The following TMEFF1 variants were observed in gnomAD, a reference collection of about 807,000 sequenced individuals.
TMEFF1 encodes the protein tomoregulin-1.
A neutral mutation model predicts 47.5 loss-of-function variants in TMEFF1; 20 were observed. The observed-to-expected ratio is 0.42, with a 90% CI of 0.30 to 0.61. The LOEUF is 0.61. Among genes scored for constraint, TMEFF1 ranks in the 20% least tolerant of loss-of-function variants. The pLI is 0.19. For synonymous variants in TMEFF1, 162 were observed against 166.3 expected (o/e 0.97, Z 0.20); for missense variants, 411 against 471.1 (o/e 0.87, Z 1.18).
intron 1 of TMEFF1, among the ~76,000 whole-genome samples, chr9:100,480,115 G>A (rs966501214): frequency 6.6e-6 from 1 of 151,782 alleles, no homozygotes; most frequent in Non-Finnish European, 1.5e-5. Context: ...TTTTCCTAAT[G>A]GCTATTGATA....
At chr9:100,526,623 T>C (rs1838256424) in intron 5 of TMEFF1, among the ~76,000 whole-genome samples, 1 of 152,130 alleles carries the variant, frequency 6.6e-6, no homozygotes, top group Admixed American at 6.5e-5. Context: ...TATACGTTAT[T>C]AGTTGGTATT....
intron 5 of TMEFF1, among the ~76,000 whole-genome samples, chr9:100,546,798 T>G (rs1390043185): frequency 6.6e-6 from 1 of 152,198 alleles, no homozygotes; most frequent in Non-Finnish European, 1.5e-5. Context: ...TCTCTGTATT[T>G]TTATTTTTGT....
At chr9:100,498,731 A>T in intron 1 of TMEFF1, 34 bp from the exon 2 acceptor site, 1 of 1,608,174 alleles carries the variant, frequency 6.2e-7, no homozygotes, top group Non-Finnish European at 8.5e-7. Flanking sequence ...TAAAAAGCCA[A>T]ATATATATGT....
intron 8 of TMEFF1, among the ~76,000 whole-genome samples, 191 bp from the exon 9 acceptor site, chr9:100,572,327 C>T (rs2800281): frequency 1.3e-5 from 2 of 151,892 alleles, no homozygotes; most frequent in African/African-American, 4.8e-5. Context: ...AGGTGAAAGA[C>T]GCACCATGTA....
chr9:100,482,450 G>A (rs1259459709), intron 1 of TMEFF1, among the ~76,000 whole-genome samples: 7 of 151,960 alleles, frequency 4.6e-5, no homozygotes, highest in Non-Finnish European at 7.4e-5. Flanking sequence ...TGCCCGCCTC[G>A]GCCTCCCAAA....
intron 2 of TMEFF1, among the ~76,000 whole-genome samples, chr9:100,499,195 C>T (rs1837713022): frequency 6.6e-6 from 1 of 152,120 alleles, no homozygotes; most frequent in Non-Finnish European, 1.5e-5. Flanking sequence ...TAAATGTTGG[C>T]ATCTTTTTCC....
intron 2 of TMEFF1, among the ~76,000 whole-genome samples, chr9:100,505,870 G>A (rs1295556981): frequency 6.6e-6 from 1 of 152,208 alleles, no homozygotes; most frequent in East Asian, 1.9e-4. Context: ...ATATCTTGGA[G>A]CTCATAGTAG....
intron 7 of TMEFF1, among the ~76,000 whole-genome samples, chr9:100,554,174 G>C (rs1489863610): frequency 6.6e-6 from 1 of 152,132 alleles, no homozygotes; most frequent in East Asian, 1.9e-4. Flanking sequence ...GAGATAGCGA[G>C]ATAGTGATAT....
At chr9:100,523,103 A>T (rs896236952) in intron 5 of TMEFF1, among the ~76,000 whole-genome samples, 1 of 151,104 alleles carries the variant, frequency 6.6e-6, no homozygotes, top group African/African-American at 2.4e-5. Flanking sequence ...AAAATGCAAA[A>T]CTCCGTCTCC....
intron 9 of TMEFF1, among the ~76,000 whole-genome samples, chr9:100,575,235 T>C (rs368541365): frequency 2.7e-4 from 41 of 152,340 alleles, no homozygotes; most frequent in African/African-American, 8.9e-4. Flanking sequence ...TTTAAAAGGA[T>C]GTTCCCACTG....
chr9:100,552,343 A>G (rs1330888972), intron 7 of TMEFF1, among the ~76,000 whole-genome samples: 3 of 152,230 alleles, frequency 2.0e-5, no homozygotes, highest in Non-Finnish European at 2.9e-5. Flanking sequence ...GACATCTTAG[A>G]TATGAGAGAT....
chr9:100,567,725 A>G (rs1297810723), intron 8 of TMEFF1, among the ~76,000 whole-genome samples: 1 of 152,212 alleles, frequency 6.6e-6, no homozygotes, highest in Non-Finnish European at 1.5e-5. Flanking sequence ...CAGTAACAGA[A>G]GAAGAAGTAA....
intron 5 of TMEFF1, among the ~76,000 whole-genome samples, chr9:100,526,819 A>C (rs1035998695): frequency 1.3e-5 from 2 of 151,816 alleles, no homozygotes; most frequent in Non-Finnish European, 2.9e-5. Flanking sequence ...TGTAAGAGTG[A>C]AATTATCTAC....
chr9:100,474,438 G>A (rs1837184925), intron 1 of TMEFF1, among the ~76,000 whole-genome samples: 1 of 152,028 alleles, frequency 6.6e-6, no homozygotes, highest in African/African-American at 2.4e-5. Flanking sequence ...GGCCCAGGAA[G>A]TGACCCTGTG....
intron 5 of TMEFF1, among the ~76,000 whole-genome samples, chr9:100,532,874 A>G (rs1391829660): frequency 1.3e-5 from 2 of 152,056 alleles, no homozygotes; most frequent in South Asian, 2.1e-4. Flanking sequence ...TTAAGAAAAT[A>G]TGGCATATAT....
intron 7 of TMEFF1, among the ~76,000 whole-genome samples, chr9:100,559,165 C>A (rs1838969086): frequency 6.6e-6 from 1 of 152,020 alleles, no homozygotes; most frequent in South Asian, 2.1e-4. Context: ...CTTAAAAAAC[C>A]CAAATAGCAA....
intron 4 of TMEFF1, 139 bp downstream of exon 4, chr9:100,513,472 A>G: frequency 9.5e-7 from 1 of 1,054,180 alleles, no homozygotes; most frequent in East Asian, 2.7e-5. Context: ...GTACAAATTC[A>G]GTGACTTTTA....
chr9:100,568,120 A>C (rs1039103398), intron 8 of TMEFF1, among the ~76,000 whole-genome samples: 4 of 152,236 alleles, frequency 2.6e-5, no homozygotes, highest in Non-Finnish European at 5.9e-5. Context: ...GGGGTAGGGC[A>C]CAGCCAAACC....
intron 8 of TMEFF1, among the ~76,000 whole-genome samples, chr9:100,565,461 C>T (rs34999135): frequency 0.025 from 3,830 of 152,244 alleles, 61 homozygotes; most frequent in Middle Eastern, 0.037. Flanking sequence ...TCATGGCTGT[C>T]GGTGAAAAGC....
Sources: allele counts gnomAD v4.1 joint callset (sites outside exome capture counted in the v4.1 genomes callset), GRCh38; gene constraint gnomAD v4.1.1; transcripts MANE v1.5; gene names NCBI Gene and HGNC (gene_info 2026-07-23, HGNC 2026-07-21).